Variants in CHI3L2 observed in about 807,000 individuals in gnomAD.
CHI3L2 encodes chitinase-3-like protein 2.
Under a neutral mutation model 47.3 loss-of-function variants are expected in CHI3L2, and 47 were observed. That is an observed-to-expected ratio of 0.99 (90% CI 0.79 to 1.27). The LOEUF is 1.27. Among genes scored for constraint, CHI3L2 ranks in the 50% most tolerant of loss-of-function variants. The probability of loss-of-function intolerance (pLI) is 0.00; values close to 1 mark genes in which losing one functional copy is unlikely to be tolerated. For synonymous variants in CHI3L2, 198 were observed against 169.9 expected, an observed-to-expected ratio of 1.17 and a Z score of -1.28; for missense variants, 497 against 462.1, an observed-to-expected ratio of 1.08 and a Z score of -0.69.
chr1:111,232,763 G>A (rs934931329), intron 4 of CHI3L2, among the ~76,000 whole-genome samples: 3 of 152,202 alleles, frequency 2.0e-5, no homozygotes, highest in Non-Finnish European at 2.9e-5. Flanking sequence ...GAACAAATTA[G>A]TAAATTTCTA....
intron 4 of CHI3L2, among the ~76,000 whole-genome samples, chr1:111,231,917 A>G (rs989589177): frequency 6.6e-6 from 1 of 152,274 alleles, no homozygotes; most frequent in Non-Finnish European, 1.5e-5. Context: ...GAAAATACAT[A>G]AGGATAAATA....
At position 111,243,237 on chromosome 1, in the gene CHI3L2, G is replaced by A. The variant is rs943276249; in HGVS notation, c.*23G>A. The A allele has an allele frequency of 4.4e-6, 2 of 455,906 alleles. No homozygotes were observed. Among genetic ancestry groups the A allele is most frequent in the African/African-American group, 4.0e-5 (2 of 50,060 alleles). The allele number at this position is 455,906 out of a possible 1,614,324, so 28.2% of individuals were successfully genotyped here. On this transcript the variant is annotated 3_prime_UTR_variant, in exon 11 of 11. Coordinates refer to ENST00000369748, the MANE Select transcript of CHI3L2 (RefSeq NM_004000.3). ...TCCAGGATTAACTTACAGAGAAGCA[G>A]GCAAGATGACCTTGCTGCCTGGGGC...
At chr1:111,242,186 C>G in intron 9 of CHI3L2, 41 bp from the exon 10 acceptor site, 1 of 1,613,444 alleles carries the variant, frequency 6.2e-7, no homozygotes, top group Middle Eastern at 1.7e-4. Context: ...ATTTAGGGGC[C>G]ACCCTTCGAA....
chr1:111,227,966 G>A (rs544238455), intron 1 of CHI3L2, among the ~76,000 whole-genome samples, 197 bp downstream of exon 1: 161 of 152,308 alleles, frequency 1.1e-3, no homozygotes, highest in South Asian at 5.8e-3. Flanking sequence ...TGCAGCAGTA[G>A]CCAGAACCCT....
rs1659879980 is a variant in CHI3L2 at position 111,236,114 on chromosome 1, G to C, written c.696G>C (p.Lys232Asn). The C allele has an allele frequency of 6.2e-7, 1 of 1,614,232 alleles. No individual in the cohort carries two copies. Among genetic ancestry groups the C allele is most frequent in the Non-Finnish European group, 8.5e-7 (1 of 1,180,036 alleles). Residue 232 changes from lysine to asparagine, a missense_variant, in exon 7 of 11, where the codon AAG becomes AAC. Coordinates refer to ENST00000369748, the MANE Select transcript of CHI3L2 (RefSeq NM_004000.3). ...LITGHNSPLSKGWQDRGPSSY... is the reference protein window; with the variant it reads ...LITGHNSPLSNGWQDRGPSSY... ...CTGGCCACAACAGCCCTCTGAGCAA[G>C]GGGTGGCAGGACAGAGGGCCAAGCT... is the stretch of plus-strand genomic sequence containing the variant.
At chr1:111,242,418 G>T in intron 10 of CHI3L2, 52 bp downstream of exon 10, 2 of 1,524,196 alleles carry the variant, frequency 1.3e-6, no homozygotes, top group Non-Finnish European at 8.8e-7. Flanking sequence ...GCAGAACAGG[G>T]CACAGGAGAC....
rs1659873107 is a variant in CHI3L2 at position 111,235,938 on chromosome 1, G to GA, written c.606-86_606-85insA. 4 of 1,569,522 alleles carry GA rather than the reference G, an allele frequency of 2.5e-6. No individual in the cohort carries two copies. In the East Asian group the frequency reaches 9.0e-5, roughly 35 times the overall value. ...ACAGAGACTTTCAATCCTTCTAGCAGCATCATTCAAAGCCAAAACAATTAC... is the reference window on the plus strand; with the variant it reads ...ACAGAGACTTTCAATCCTTCTAGCAGACATCATTCAAAGCCAAAACAATTAC... On this transcript the variant is annotated intron_variant, in intron 6 of 10. Coordinates refer to ENST00000369748, the MANE Select transcript of CHI3L2 (RefSeq NM_004000.3).
At chr1:111,237,481 G>A (rs2101553549) in intron 7 of CHI3L2, among the ~76,000 whole-genome samples, 1 of 152,232 alleles carries the variant, frequency 6.6e-6, no homozygotes, top group Non-Finnish European at 1.5e-5. Flanking sequence ...ATGTTTCCAG[G>A]CCTTCATATT....
rs143895449 is a variant in CHI3L2 at position 111,231,598 on chromosome 1, T to G, written c.329+304T>G. 1,632 of 257,940 alleles carry G rather than the reference T, an allele frequency of 6.3e-3. 12 individuals carry two copies. Among genetic ancestry groups the G allele is most frequent in the Non-Finnish European group, 9.5e-3 (1,295 of 136,776 alleles). 16.0% of individuals were successfully genotyped at this position (257,940 alleles called of 1,614,324 possible). On this transcript the variant is annotated intron_variant, in intron 4 of 10. Transcript: ENST00000369748. ...TGAATGTTTTTCACTTTATGGATTATAGAATTAGTTTTAATTGGAAAGTGC... is the reference window on the plus strand; with the variant it reads ...TGAATGTTTTTCACTTTATGGATTAGAGAATTAGTTTTAATTGGAAAGTGC...
rs768730064 is a variant in CHI3L2 at position 111,230,839 on chromosome 1, CTCTCA to C, written c.177_181del (p.Ile60PhefsTer17). 6 of 1,613,924 alleles carry C rather than the reference CTCTCA, an allele frequency of 3.7e-6. No individual in the cohort carries two copies. The African/African-American group carries it at 4.0e-5, about 11-fold the overall frequency. ...CTGAGAATATTGACCCCTTCCTATG[CTCTCA>C]TCTCATCTATTCATTCGCCAGCATC... On this transcript the variant is annotated frameshift_variant, in exon 3 of 11. Coordinates refer to ENST00000369748, the MANE Select transcript of CHI3L2 (RefSeq NM_004000.3). LOFTEE classifies it high-confidence loss of function.
At chr1:111,229,256 G>C (rs1197503267) in intron 1 of CHI3L2, among the ~76,000 whole-genome samples, 1 of 152,152 alleles carries the variant, frequency 6.6e-6, no homozygotes, top group Non-Finnish European at 1.5e-5. Flanking sequence ...GCAATGCTTA[G>C]CACAGAGCAT....
At chr1:111,240,023 A>T (rs1453942751) in intron 8 of CHI3L2, among the ~76,000 whole-genome samples, 1 of 152,258 alleles carries the variant, frequency 6.6e-6, no homozygotes, top group African/African-American at 2.4e-5. Context: ...TGACCAATGA[A>T]TGGTGTAGAG....
chr1:111,236,006 T>C lies in CHI3L2; in HGVS notation c.606-18T>C, dbSNP rs190563339. The C allele has an allele frequency of 1.6e-5, 26 of 1,613,158 alleles. No individual in the cohort carries two copies. In the East Asian group the frequency reaches 3.1e-4, roughly 19 times the overall value. Reference sequence around the variant, plus strand: ...ACTGCTCGTCACAAAATCTCTCCCATTGCTTTTGGCACTTTAGAGATCTGG... The same window carrying C: ...ACTGCTCGTCACAAAATCTCTCCCACTGCTTTTGGCACTTTAGAGATCTGG... On this transcript the variant is annotated intron_variant, in intron 6 of 10. Coordinates refer to ENST00000369748, the MANE Select transcript of CHI3L2 (RefSeq NM_004000.3).
At chr1:111,232,526 TTAAC>T (rs1011089018) in intron 4 of CHI3L2, among the ~76,000 whole-genome samples, 4 of 152,196 alleles carry the variant, frequency 2.6e-5, no homozygotes, top group African/African-American at 7.2e-5. Context: ...GCAGTTTTCT[TTAAC>T]TATACAATAA....
chr1:111,230,956 G>C lies in CHI3L2; in HGVS notation c.272+13G>C, dbSNP rs200108580. ...GTCTCAAAACCAAGTGAGTAAGATG[G>C]GGGTGGAAGCATCCTGCATGGATTT... On this transcript the variant is annotated intron_variant, in intron 3 of 10. Transcript: ENST00000369748. The C allele has an allele frequency of 5.6e-6, 9 of 1,607,338 alleles. No individual in the cohort carries two copies. Among genetic ancestry groups the C allele is most frequent in the African/African-American group, 1.3e-5 (1 of 74,794 alleles).
chr1:111,230,883 T>A lies in CHI3L2; in HGVS notation c.212T>A (p.Val71Asp). 6.2e-7 allele frequency: 1 copy of A among 1,614,024 alleles called. No individual in the cohort carries two copies. Among genetic ancestry groups the A allele is most frequent in the East Asian group, 2.2e-5 (1 of 44,870 alleles). ...YSFASIENNK[V>D]IIKDKSEVML... ...TTCGCCAGCATCGAAAACAACAAGG[T>A]TATCATCAAGGACAAGAGTGAAGTG... The change falls in exon 3 of 11, where the codon GTT (valine) becomes GAT (aspartate). Residue 71 changes from valine (V) to aspartate (D), a missense_variant. Val to Asp is a radical substitution (Grantham distance 152). Transcript: ENST00000369748.
intron 4 of CHI3L2, among the ~76,000 whole-genome samples, chr1:111,233,995 A>G (rs796449335): frequency 3.3e-5 from 5 of 150,934 alleles, no homozygotes; most frequent in Admixed American, 1.3e-4. Flanking sequence ...TGAAGGCAGC[A>G]TGCTCGTTAA....
At chr1:111,229,681 CAAAAAA>C (rs997929124) in intron 1 of CHI3L2, 165 bp from the exon 2 acceptor site, 14,313 of 388,602 alleles carry the variant, frequency 0.037, 11 homozygotes, top group East Asian at 0.095. Context: ...GACTCCGTCT[CAAAAAA>C]AAAAAAAAAA....
At chr1:111,242,428 CTG>C in intron 10 of CHI3L2, 62 bp downstream of exon 10, 1 of 1,487,080 alleles carries the variant, frequency 6.7e-7, no homozygotes, top group Non-Finnish European at 9.0e-7. Context: ...GCACAGGAGA[CTG>C]GGGGAGATCA....
Sources: gnomAD v4.1 joint callset for allele counts (sites outside exome capture counted in the v4.1 genomes callset) on GRCh38, gnomAD v4.1.1 for gene constraint, MANE v1.5 for transcripts, NCBI Gene and HGNC (gene_info 2026-07-23, HGNC 2026-07-21) for gene names.